Variants in OLFM3 observed in about 807,000 individuals in gnomAD.
OLFM3 encodes the protein olfactomedin 3, also known as noelin-3.
A neutral mutation model predicts 48.6 loss-of-function variants in OLFM3; 20 were observed. The observed-to-expected ratio is 0.41, with a 90% CI of 0.29 to 0.60. OLFM3 has a LOEUF of 0.60. Among genes scored for constraint, OLFM3 ranks in the 20% least tolerant of loss-of-function variants. The pLI is 0.28. For missense variants in OLFM3, 437 were observed against 544.3 expected, an observed-to-expected ratio of 0.80 and a Z score of 1.96; for synonymous variants, 222 against 198.1, an observed-to-expected ratio of 1.12 and a Z score of -1.01.
At chr1:101,827,522 T>C (rs747324286) in intron 3 of OLFM3, among the ~76,000 whole-genome samples, 1 of 152,086 alleles carries the variant, frequency 6.6e-6, no homozygotes, top group Non-Finnish European at 1.5e-5. Context: ...GGTAGGAAGA[T>C]TTTTTAAAAA....
chr1:101,911,183 G>A (rs985654325), intron 1 of OLFM3, among the ~76,000 whole-genome samples: 10 of 152,056 alleles, frequency 6.6e-5, no homozygotes, highest in African/African-American at 2.4e-4. Flanking sequence ...TATCTGGTAG[G>A]GCAAAGGCAT....
intron 1 of OLFM3, among the ~76,000 whole-genome samples, chr1:101,976,090 T>C (rs1660945099): frequency 6.6e-6 from 1 of 152,162 alleles, no homozygotes; most frequent in African/African-American, 2.4e-5. Flanking sequence ...GATTAAGACA[T>C]GAAAGTCTCC....
Position 101,996,879 on chromosome 1 carries a change from AC to A in OLFM3, c.-64del. ...TGTAGGCTCTCCACTCACTGCAGAGACCTTTCCCTCGTCAGTTGCACTTTCT... is the reference window on the plus strand; with the variant it reads ...TGTAGGCTCTCCACTCACTGCAGAGACTTTCCCTCGTCAGTTGCACTTTCT... On this transcript the variant is annotated 5_prime_UTR_variant, in exon 1 of 6. Coordinates refer to ENST00000370103, the MANE Select transcript of OLFM3 (RefSeq NM_058170.4). 1.9e-6 allele frequency: 3 copies of A among 1,541,952 alleles called. No individual in the cohort carries two copies. The highest frequency in any genetic ancestry group is 1.8e-6 in the Non-Finnish European group (2 of 1,121,606).
chr1:101,953,908 T>A (rs1433293825), intron 1 of OLFM3, among the ~76,000 whole-genome samples: 1 of 152,046 alleles, frequency 6.6e-6, no homozygotes, highest in Non-Finnish European at 1.5e-5. Flanking sequence ...GCTCAGATTC[T>A]GGGTTATGAG....
At position 101,933,044 on chromosome 1, in the gene OLFM3, T is replaced by C. The variant is rs569298448; in HGVS notation, c.69+63704A>G. ...CGATGAAACCCATCTCTACTAAAAA[T>C]ACAAAAAATTAGCCAGGCATTGTGG... On this transcript the variant is annotated intron_variant, in intron 1 of 5. Transcript: ENST00000370103. Among the ~76,000 whole-genome samples the C allele has an allele frequency of 3.3e-5, 5 of 151,102 alleles. No individual in the cohort carries two copies. The East Asian group carries it at 7.8e-4, about 24-fold the overall frequency.
intron 1 of OLFM3, among the ~76,000 whole-genome samples, chr1:101,843,782 G>A (rs1225732278): frequency 1.3e-5 from 2 of 152,002 alleles, no homozygotes; most frequent in African/African-American, 4.8e-5. Flanking sequence ...TCTTTTTCCA[G>A]GTCATTTGAA....
intron 1 of OLFM3, among the ~76,000 whole-genome samples, chr1:101,873,462 C>T (rs2226086): frequency 0.47 from 71,843 of 151,428 alleles, 17,753 homozygotes; most frequent in Non-Finnish European, 0.56. Flanking sequence ...CATTATAATA[C>T]TATCATGTTA....
chr1:101,958,022 C>T (rs928206651), intron 1 of OLFM3, among the ~76,000 whole-genome samples: 9 of 152,006 alleles, frequency 5.9e-5, no homozygotes, highest in African/African-American at 2.2e-4. Flanking sequence ...AATGAATGAG[C>T]TGTAGAGTTG....
chr1:101,806,892 T>A (rs1009121145), intron 4 of OLFM3, among the ~76,000 whole-genome samples: 6 of 151,628 alleles, frequency 4.0e-5, no homozygotes, highest in African/African-American at 1.5e-4. Flanking sequence ...ATGAAAAAAG[T>A]TGTAATATTT....
intron 1 of OLFM3, among the ~76,000 whole-genome samples, chr1:101,906,339 T>C (rs1233454410): frequency 6.6e-6 from 1 of 152,108 alleles, no homozygotes; most frequent in Non-Finnish European, 1.5e-5. Flanking sequence ...TGAATAAAAA[T>C]GGTATGTCTC....
intron 4 of OLFM3, among the ~76,000 whole-genome samples, chr1:101,808,503 C>A (rs1316769914): frequency 6.6e-6 from 1 of 151,802 alleles, no homozygotes; most frequent in African/African-American, 2.4e-5. Context: ...AGATGGGACT[C>A]TGAAATCAGG....
At chr1:101,954,115 T>C (rs1027221670) in intron 1 of OLFM3, among the ~76,000 whole-genome samples, 1 of 152,194 alleles carries the variant, frequency 6.6e-6, no homozygotes, top group Non-Finnish European at 1.5e-5. Flanking sequence ...TATTCTAACA[T>C]AAATTTAAAA....
At chr1:101,905,304 A>G (rs961455411) in intron 1 of OLFM3, among the ~76,000 whole-genome samples, 2 of 152,164 alleles carry the variant, frequency 1.3e-5, no homozygotes, top group African/African-American at 2.4e-5. Flanking sequence ...TTGGATTGCA[A>G]TTGACTCAAT....
intron 3 of OLFM3, among the ~76,000 whole-genome samples, chr1:101,829,078 G>A (rs573252642): frequency 6.6e-6 from 1 of 152,216 alleles, no homozygotes; most frequent in South Asian, 2.1e-4. Context: ...TCACCTGCCT[G>A]TTAGTTGTCT....
chr1:101,879,969 G>A (rs1657453775), intron 1 of OLFM3, among the ~76,000 whole-genome samples: 1 of 151,768 alleles, frequency 6.6e-6, no homozygotes. Flanking sequence ...ATTATAAAAA[G>A]AGCAGCTGTA....
chr1:101,940,315 C>T (rs967182320), intron 1 of OLFM3, among the ~76,000 whole-genome samples: 2 of 150,824 alleles, frequency 1.3e-5, no homozygotes, highest in Non-Finnish European at 2.9e-5. Context: ...TTCTCAGGAT[C>T]CATGTGCTAT....
At chr1:101,904,231 A>G (rs773271223) in intron 1 of OLFM3, among the ~76,000 whole-genome samples, 4 of 152,140 alleles carry the variant, frequency 2.6e-5, no homozygotes, top group Non-Finnish European at 5.9e-5. Flanking sequence ...GGAAGAAGTT[A>G]AAAGAAAATG....
At chr1:101,921,208 C>CACACACAA (rs1227692854) in intron 1 of OLFM3, among the ~76,000 whole-genome samples, 1 of 151,006 alleles carries the variant, frequency 6.6e-6, no homozygotes, top group Non-Finnish European at 1.5e-5. Context: ...TATACACACA[C>CACACACAA]ACACACACAC....
intron 1 of OLFM3, among the ~76,000 whole-genome samples, chr1:101,952,434 A>AT (rs1002113478): frequency 2.0e-5 from 3 of 152,098 alleles, no homozygotes; most frequent in Admixed American, 6.6e-5. Context: ...CAACAGAAAC[A>AT]TTTTTTGTGA....
Sources: allele counts gnomAD v4.1 joint callset (sites outside exome capture counted in the v4.1 genomes callset), GRCh38; gene constraint gnomAD v4.1.1; transcripts MANE v1.5; gene names NCBI Gene and HGNC (gene_info 2026-07-23, HGNC 2026-07-21).